Variants in PTTG1IP2 observed in about 807,000 individuals in gnomAD.
PTTG1IP2 encodes PTTG1IP family member 2.
At chr7:90,505,699 T>C (rs11563861) in intron 6 of PTTG1IP2, among the ~76,000 whole-genome samples, 7,962 of 152,206 alleles carry the variant, frequency 0.052, 512 homozygotes, top group East Asian at 0.16. Flanking sequence ...AAAATGCCTG[T>C]TTCGGCCGGG....
At chr7:90,475,414 T>G (rs1050677016) in intron 1 of PTTG1IP2, among the ~76,000 whole-genome samples, 4 of 152,114 alleles carry the variant, frequency 2.6e-5, no homozygotes, top group African/African-American at 9.7e-5. Context: ...GAGATAGCCA[T>G]GAAACAAGAA....
At chr7:90,479,772 G>A (rs1416154051) in intron 2 of PTTG1IP2, among the ~76,000 whole-genome samples, 1 of 152,158 alleles carries the variant, frequency 6.6e-6, no homozygotes, top group Non-Finnish European at 1.5e-5. Context: ...GAGGGAAATG[G>A]CCACTTTGTG....
intron 6 of PTTG1IP2, among the ~76,000 whole-genome samples, chr7:90,506,319 C>A (rs1798124841): frequency 6.6e-6 from 1 of 152,022 alleles, no homozygotes. Flanking sequence ...ACATTCAAGT[C>A]ATGTAATTTT....
At chr7:90,501,553 C>A (rs1281249288) in intron 6 of PTTG1IP2, among the ~76,000 whole-genome samples, 1 of 152,124 alleles carries the variant, frequency 6.6e-6, no homozygotes, top group South Asian at 2.1e-4. Flanking sequence ...ACCTGTGGTA[C>A]TAGCTACTTG....
At chr7:90,501,919 C>T (rs1197003951) in intron 6 of PTTG1IP2, among the ~76,000 whole-genome samples, 1 of 152,198 alleles carries the variant, frequency 6.6e-6, no homozygotes, top group African/African-American at 2.4e-5. Flanking sequence ...AGTAAAACTT[C>T]TTTCAAAATT....
chr7:90,513,246 T>C (rs1798209176), intron 6 of PTTG1IP2, 32 bp from the exon 7 acceptor site: 1 of 152,646 alleles, frequency 6.6e-6, no homozygotes, highest in Non-Finnish European at 1.5e-5. Flanking sequence ...TGTATTGTAT[T>C]TCCAATAATG....
intron 6 of PTTG1IP2, among the ~76,000 whole-genome samples, chr7:90,497,893 G>A (rs1798014757): frequency 6.6e-6 from 1 of 152,062 alleles, no homozygotes; most frequent in Non-Finnish European, 1.5e-5. Flanking sequence ...TATGTCCATT[G>A]TTGAGAGTGG....
intron 1 of PTTG1IP2, among the ~76,000 whole-genome samples, chr7:90,477,846 C>T (rs932927311): frequency 6.6e-6 from 1 of 152,072 alleles, no homozygotes; most frequent in East Asian, 1.9e-4. Flanking sequence ...CACCTGTAAT[C>T]CCAGCATTTG....
chr7:90,474,462 A>G (rs149513617), intron 1 of PTTG1IP2, among the ~76,000 whole-genome samples: 177 of 152,342 alleles, frequency 1.2e-3, no homozygotes, highest in African/African-American at 4.1e-3. Flanking sequence ...AACACACATA[A>G]GAGAAGACTA....
chr7:90,482,430 C>A (rs7780059), intron 2 of PTTG1IP2, among the ~76,000 whole-genome samples: 4,536 of 152,124 alleles, frequency 0.03, 231 homozygotes, highest in African/African-American at 0.1. Flanking sequence ...CTTGTGATTT[C>A]ATAGTGTAGG....
chr7:90,512,794 T>C (rs2116142592), intron 6 of PTTG1IP2, among the ~76,000 whole-genome samples: 1 of 152,346 alleles, frequency 6.6e-6, no homozygotes, highest in South Asian at 2.1e-4. Context: ...TTGGACGATA[T>C]TATTCTACAG....
chr7:90,493,858 A>G (rs1797965278), intron 5 of PTTG1IP2, among the ~76,000 whole-genome samples: 1 of 152,248 alleles, frequency 6.6e-6, no homozygotes, highest in African/African-American at 2.4e-5. Flanking sequence ...GATTGGTAAG[A>G]TGTTTGCATA....
At chr7:90,512,673 G>A (rs17868922) in intron 6 of PTTG1IP2, among the ~76,000 whole-genome samples, 50 of 152,328 alleles carry the variant, frequency 3.3e-4, no homozygotes, top group African/African-American at 1.2e-3. Context: ...AGACATTTGA[G>A]ATGGAAGAGC....
chr7:90,499,509 T>C (rs912683980), intron 6 of PTTG1IP2, among the ~76,000 whole-genome samples: 1 of 152,216 alleles, frequency 6.6e-6, no homozygotes, highest in African/African-American at 2.4e-5. Context: ...AATAATCATA[T>C]AAAGACTTTT....
At chr7:90,484,955 T>C (rs1410322332) in intron 2 of PTTG1IP2, among the ~76,000 whole-genome samples, 1 of 152,180 alleles carries the variant, frequency 6.6e-6, no homozygotes, top group African/African-American at 2.4e-5. Flanking sequence ...GTCTGTAACT[T>C]AAATAGTTGT....
At chr7:90,472,563 A>G (rs17865539) in intron 1 of PTTG1IP2, among the ~76,000 whole-genome samples, 5,745 of 152,308 alleles carry the variant, frequency 0.038, 228 homozygotes, top group East Asian at 0.12. Flanking sequence ...ATTTCTGCTA[A>G]TGGTGAACAC....
At chr7:90,489,887 T>A (rs1797919546) in intron 4 of PTTG1IP2, among the ~76,000 whole-genome samples, 1 of 152,024 alleles carries the variant, frequency 6.6e-6, no homozygotes, top group Admixed American at 6.5e-5. Context: ...TGTTACTTAA[T>A]TGTAACTTTC....
intron 6 of PTTG1IP2, among the ~76,000 whole-genome samples, chr7:90,499,775 G>T (rs1023238721): frequency 6.6e-6 from 1 of 151,888 alleles, no homozygotes; most frequent in South Asian, 2.1e-4. Flanking sequence ...GTAGAAACGG[G>T]TTTCATCATG....
chr7:90,488,177 A>G (rs2116077648), intron 3 of PTTG1IP2, among the ~76,000 whole-genome samples: 1 of 152,166 alleles, frequency 6.6e-6, no homozygotes, highest in Admixed American at 6.5e-5. Context: ...TAGAACAACC[A>G]GTTGTCTTCT....
Sources: gnomAD v4.1 joint callset for allele counts (sites outside exome capture counted in the v4.1 genomes callset) on GRCh38, gnomAD v4.1.1 for gene constraint, MANE v1.5 for transcripts, NCBI Gene and HGNC (gene_info 2026-07-23, HGNC 2026-07-21) for gene names.